SPIDR: variants seen among roughly 807,000 people sequenced by gnomAD.
SPIDR encodes the protein scaffold protein involved in DNA repair, also known as DNA repair-scaffolding protein.
In SPIDR, 93 loss-of-function variants were observed where a neutral mutation model predicts 104.6. The observed-to-expected ratio is 0.89, with a 90% confidence interval of 0.75 to 1.06. The LOEUF (loss-of-function observed/expected upper bound fraction) is 1.06. Ranked by LOEUF, SPIDR falls within the 50% of genes least tolerant of loss-of-function variation. The pLI, the probability that SPIDR is intolerant of heterozygous loss-of-function variation, is 0.00. For synonymous variants in SPIDR, 431 were observed against 416.9 expected (o/e 1.03, Z -0.41); for missense variants, 1,154 against 1,111.2 (o/e 1.04, Z -0.55).
chr8:47,450,032 T>C (rs1554704875), intron 8 of SPIDR, among the ~76,000 whole-genome samples: 1 of 152,010 alleles, frequency 6.6e-6, no homozygotes, highest in Admixed American at 6.5e-5. Context: ...GGCACGATGG[T>C]GCATGCATGT....
chr8:47,282,587 CT>C (rs2038005982), intron 2 of SPIDR, among the ~76,000 whole-genome samples: 1 of 152,230 alleles, frequency 6.6e-6, no homozygotes, highest in African/African-American at 2.4e-5. Flanking sequence ...GAGTTAGGAC[CT>C]TGCTCTGGAT....
chr8:47,335,285 C>A (rs2049478480), intron 5 of SPIDR, among the ~76,000 whole-genome samples: 1 of 152,240 alleles, frequency 6.6e-6, no homozygotes. Flanking sequence ...TTTAATACTT[C>A]TTGCAAGGCA....
At chr8:47,266,534 C>T (rs2034091648) in intron 1 of SPIDR, among the ~76,000 whole-genome samples, 1 of 152,182 alleles carries the variant, frequency 6.6e-6, no homozygotes, top group Non-Finnish European at 1.5e-5. Context: ...AGGCTGTTTT[C>T]AGGTTTTGGT....
At chr8:47,280,105 C>A in intron 2 of SPIDR, 88 bp downstream of exon 2, 5 of 1,332,234 alleles carry the variant, frequency 3.8e-6, no homozygotes, top group Non-Finnish European at 5.2e-6. Context: ...CATTGTAATT[C>A]CCTTTCTTAT....
At chr8:47,437,201 G>A (rs538683524) in intron 7 of SPIDR, among the ~76,000 whole-genome samples, 284 of 150,968 alleles carry the variant, frequency 1.9e-3, no homozygotes, top group African/African-American at 6.7e-3. Flanking sequence ...CCGCTAACTC[G>A]TCATCTAGCA....
intron 8 of SPIDR, among the ~76,000 whole-genome samples, chr8:47,484,741 T>G (rs2077312830): frequency 6.6e-6 from 1 of 152,228 alleles, no homozygotes; most frequent in African/African-American, 2.4e-5. Flanking sequence ...AGTAGTAATA[T>G]TTGAACATGG....
chr8:47,434,024 C>A (rs1554690733), intron 7 of SPIDR, among the ~76,000 whole-genome samples: 1 of 152,004 alleles, frequency 6.6e-6, no homozygotes. Flanking sequence ...ACAGAAACAC[C>A]CCAAATAAAA....
chr8:47,520,579 T>A (rs995505826), intron 8 of SPIDR, among the ~76,000 whole-genome samples: 3 of 152,202 alleles, frequency 2.0e-5, no homozygotes, highest in Non-Finnish European at 4.4e-5. Context: ...GTGCTGGAAG[T>A]GGCATGAAAA....
chr8:47,449,780 G>A (rs1418720945), intron 8 of SPIDR, among the ~76,000 whole-genome samples: 1 of 152,226 alleles, frequency 6.6e-6, no homozygotes, highest in Admixed American at 6.5e-5. Context: ...TACATGAGGA[G>A]GAAGTGAAGT....
chr8:47,726,829 G>A (rs577333684), intron 16 of SPIDR, among the ~76,000 whole-genome samples: 1 of 152,220 alleles, frequency 6.6e-6, no homozygotes. Flanking sequence ...ACTGTGTTAA[G>A]GAGTCTATAT....
At chr8:47,440,106 A>G (rs1554695317) in intron 7 of SPIDR, among the ~76,000 whole-genome samples, 1 of 152,242 alleles carries the variant, frequency 6.6e-6, no homozygotes, top group Non-Finnish European at 1.5e-5. Flanking sequence ...CTTAAAATCC[A>G]TGTATTAAAT....
intron 8 of SPIDR, among the ~76,000 whole-genome samples, chr8:47,498,240 T>C (rs2079771597): frequency 6.6e-6 from 1 of 152,184 alleles, no homozygotes; most frequent in Non-Finnish European, 1.5e-5. Context: ...AGCACATTGT[T>C]GGCCAGTTGA....
intron 5 of SPIDR, among the ~76,000 whole-genome samples, chr8:47,358,714 C>T (rs2055077863): frequency 1.3e-5 from 2 of 152,202 alleles, no homozygotes; most frequent in South Asian, 4.1e-4. Flanking sequence ...AGTTCAATTG[C>T]ATTATCTGAT....
chr8:47,513,447 T>TA (rs1249755249), intron 8 of SPIDR, among the ~76,000 whole-genome samples: 2 of 152,232 alleles, frequency 1.3e-5, no homozygotes, highest in Non-Finnish European at 1.5e-5. Context: ...TTATACTTTT[T>TA]AAAAAAACAA....
intron 5 of SPIDR, among the ~76,000 whole-genome samples, chr8:47,315,504 G>T (rs1764889375): frequency 6.6e-6 from 1 of 152,054 alleles, no homozygotes; most frequent in Admixed American, 6.6e-5. Context: ...CATTTTCTTA[G>T]CAGGACTTTT....
chr8:47,401,975 C>G (rs150281209), intron 6 of SPIDR, among the ~76,000 whole-genome samples: 1,756 of 152,296 alleles, frequency 0.012, 36 homozygotes, highest in African/African-American at 0.04. Context: ...AGCTCTGCAC[C>G]TAGCAGACCT....
intron 10 of SPIDR, among the ~76,000 whole-genome samples, chr8:47,610,902 C>T (rs781293361): frequency 6.6e-5 from 10 of 152,228 alleles, no homozygotes; most frequent in Non-Finnish European, 1.3e-4. Flanking sequence ...AAACATTGCA[C>T]TGATACTTGT....
chr8:47,723,845 C>T (rs1393618918), intron 16 of SPIDR, among the ~76,000 whole-genome samples: 1 of 152,148 alleles, frequency 6.6e-6, no homozygotes, highest in African/African-American at 2.4e-5. Flanking sequence ...AATGCAGGTA[C>T]CTTCTATCAG....
intron 6 of SPIDR, among the ~76,000 whole-genome samples, chr8:47,406,187 T>C (rs963036660): frequency 3.3e-5 from 5 of 152,290 alleles, no homozygotes; most frequent in East Asian, 1.9e-4. Context: ...CATTTGCTTC[T>C]TGTATTTATT....
Sources: allele counts gnomAD v4.1 joint callset (sites outside exome capture counted in the v4.1 genomes callset), GRCh38; gene constraint gnomAD v4.1.1; transcripts MANE v1.5; gene names NCBI Gene and HGNC (gene_info 2026-07-23, HGNC 2026-07-21).